The following TNFAIP8 variants were observed in gnomAD, a reference collection of about 807,000 sequenced individuals.
TNFAIP8 encodes the protein TNF alpha induced protein 8.
In TNFAIP8, 7 loss-of-function variants were observed where a neutral mutation model predicts 13.3. The observed-to-expected ratio is 0.52, with a 90% CI of 0.30 to 0.99. The LOEUF (loss-of-function observed/expected upper bound fraction) is 0.99, where lower values mean the gene tolerates loss of function less well. TNFAIP8 is among the 50% of genes least tolerant of loss of function. TNFAIP8 has a pLI of 0.07. For synonymous variants in TNFAIP8, 94 were observed against 87.6 expected (o/e 1.07, Z -0.41); for missense variants, 258 against 236.9 (o/e 1.09, Z -0.58).
intron 1 of TNFAIP8, among the ~76,000 whole-genome samples, chr5:119,318,155 C>T (rs749030427): frequency 2.6e-5 from 4 of 151,888 alleles, no homozygotes; most frequent in Non-Finnish European, 5.9e-5. Context: ...AGTCACAGCT[C>T]TTGAAATGCT....
intron 1 of TNFAIP8, among the ~76,000 whole-genome samples, chr5:119,356,550 G>T (rs1489326867): frequency 6.6e-6 from 1 of 152,070 alleles, no homozygotes; most frequent in Non-Finnish European, 1.5e-5. Flanking sequence ...ATATGTTTCC[G>T]GCTAAAAGGG....
intron 1 of TNFAIP8, among the ~76,000 whole-genome samples, chr5:119,296,526 G>C (rs571639513): frequency 8.9e-4 from 135 of 152,212 alleles, no homozygotes; most frequent in Admixed American, 1.5e-3. Context: ...GATTTGGTTT[G>C]CCAGTATTTT....
chr5:119,389,513 A>C (rs1362960334), intron 1 of TNFAIP8, among the ~76,000 whole-genome samples: 1 of 152,216 alleles, frequency 6.6e-6, no homozygotes, highest in Non-Finnish European at 1.5e-5. Context: ...CTGACAAATG[A>C]GCCTGCACAG....
At chr5:119,371,046 C>T (rs1205209672) in intron 1 of TNFAIP8, among the ~76,000 whole-genome samples, 1 of 152,192 alleles carries the variant, frequency 6.6e-6, no homozygotes, top group Non-Finnish European at 1.5e-5. Context: ...ATCCCCTTTT[C>T]ATGTTAGCTA....
chr5:119,352,270 C>T (rs975808015), upstream of TNFAIP8, among the ~76,000 whole-genome samples: 2 of 152,082 alleles, frequency 1.3e-5, no homozygotes, highest in Admixed American at 6.5e-5. Context: ...AGATCTCTCC[C>T]GCATATGGGG....
intron 1 of TNFAIP8, among the ~76,000 whole-genome samples, chr5:119,356,418 A>G (rs1170499552): frequency 1.3e-5 from 2 of 151,982 alleles, no homozygotes; most frequent in African/African-American, 2.4e-5. Flanking sequence ...TTGGACTCCA[A>G]GAATGCAAAA....
At chr5:119,328,673 G>C (rs1750292097) in intron 1 of TNFAIP8, among the ~76,000 whole-genome samples, 1 of 152,202 alleles carries the variant, frequency 6.6e-6, no homozygotes, top group Admixed American at 6.5e-5. Flanking sequence ...TAACAGGTTG[G>C]TGATGGAGGG....
Position 119,397,499 on chromosome 5 carries a change from C to A in TNFAIP8, c.*4118C>A, listed in dbSNP as rs1753102191. 3 of 152,154 alleles carry A rather than the reference C, an allele frequency of 2.0e-5. No homozygotes were observed. The highest frequency in any genetic ancestry group is 1.3e-4 in the Admixed American group (2 of 15,274). 9.4% of individuals were successfully genotyped at this position (152,154 alleles called of 1,614,324 possible). On this transcript the variant is annotated 3_prime_UTR_variant, in exon 2 of 2. Coordinates refer to ENST00000504771, the MANE Select transcript of TNFAIP8 (RefSeq NM_014350.4). Reference sequence around the variant, plus strand: ...ACTAGTTGAACTTTTCAGTGTTTTACTTGATATATTGCATTCTTGAGCATT... The same window carrying A: ...ACTAGTTGAACTTTTCAGTGTTTTAATTGATATATTGCATTCTTGAGCATT...
chr5:119,326,552 C>T (rs955467882), intron 1 of TNFAIP8, among the ~76,000 whole-genome samples: 6 of 152,124 alleles, frequency 3.9e-5, no homozygotes, highest in South Asian at 2.1e-4. Context: ...GGAAGCATTG[C>T]GTGCTCCTCA....
At chr5:119,329,580 C>T (rs1005503888) in intron 1 of TNFAIP8, among the ~76,000 whole-genome samples, 3 of 152,086 alleles carry the variant, frequency 2.0e-5, no homozygotes, top group Admixed American at 1.3e-4. Flanking sequence ...GATGCTTTTG[C>T]GATATGATAT....
chr5:119,349,798 C>T (rs540484201), intron 1 of TNFAIP8, among the ~76,000 whole-genome samples: 34 of 152,296 alleles, frequency 2.2e-4, no homozygotes, highest in Non-Finnish European at 3.7e-4. Context: ...AGAGATTTGA[C>T]GATGGTTCAA....
Position 119,393,239 on chromosome 5 carries a change from A to C in TNFAIP8, c.455A>C (p.His152Pro). ...IIQRHLTAKS[H>P]GRVNNVFDHF... ...CAGCGCCACCTCACTGCCAAGTCACATGGACGGGTTAATAATGTGTTTGAT... is the reference window on the plus strand; with the variant it reads ...CAGCGCCACCTCACTGCCAAGTCACCTGGACGGGTTAATAATGTGTTTGAT... Residue 152 changes from histidine (H) to proline (P), a missense_variant, in exon 2 of 2, where the codon CAT becomes CCT. His to Pro is a moderately conservative substitution (Grantham distance 77). Coordinates refer to ENST00000504771, the MANE Select transcript of TNFAIP8 (RefSeq NM_014350.4). 3 of 1,614,040 alleles carry C rather than the reference A, an allele frequency of 1.9e-6. No homozygotes were observed. Among genetic ancestry groups the C allele is most frequent in the Non-Finnish European group, 2.5e-6 (3 of 1,179,890 alleles).
At chr5:119,339,443 TCTC>T (rs961267274) in intron 1 of TNFAIP8, among the ~76,000 whole-genome samples, 1 of 149,940 alleles carries the variant, frequency 6.7e-6, no homozygotes, top group Non-Finnish European at 1.5e-5. Context: ...ACTACACAGG[TCTC>T]CTCTTGTGGT....
At chr5:119,340,620 G>A (rs1247586105) in intron 1 of TNFAIP8, among the ~76,000 whole-genome samples, 6 of 152,282 alleles carry the variant, frequency 3.9e-5, no homozygotes, top group Admixed American at 2.0e-4. Context: ...TTAGCTTTCC[G>A]ATTCTTGGGT....
intron 1 of TNFAIP8, among the ~76,000 whole-genome samples, chr5:119,295,174 GGT>G (rs1749129340): frequency 2.7e-5 from 1 of 36,844 alleles, no homozygotes; most frequent in African/African-American, 1.3e-4. Context: ...TATGGTTTTA[GGT>G]CTAACGTTTA....
In TNFAIP8 at chr5:119,308,087, T is replaced by C. The variant is rs370523383; in HGVS notation, c.1+39180T>C. Among the ~76,000 whole-genome samples, 159 of 152,284 alleles carry C rather than the reference T, an allele frequency of 1.0e-3. 1 individual carries two copies. The highest frequency in any genetic ancestry group is 3.6e-3 in the African/African-American group (149 of 41,548). On this transcript the variant is annotated intron_variant, in intron 1 of 1. Coordinates refer to the TNFAIP8 transcript ENST00000274456. ...CCTGTAATTTACAGATGAGCAAACT[T>C]CTTGTGGTGCAACATGTGGCATTTT...
At chr5:119,315,439 G>A (rs972528249) in intron 1 of TNFAIP8, among the ~76,000 whole-genome samples, 7 of 151,828 alleles carry the variant, frequency 4.6e-5, no homozygotes, top group Non-Finnish European at 8.8e-5. Context: ...TATTATGTGT[G>A]TATGCATGTG....
chr5:119,376,527 G>A (rs539386156), intron 1 of TNFAIP8, among the ~76,000 whole-genome samples: 4 of 151,892 alleles, frequency 2.6e-5, no homozygotes, highest in African/African-American at 7.2e-5. Flanking sequence ...TCTTATTTCG[G>A]TTGTTTTATA....
intron 1 of TNFAIP8, among the ~76,000 whole-genome samples, chr5:119,270,164 A>G (rs10900729): frequency 0.65 from 98,538 of 152,242 alleles, 34,909 homozygotes; most frequent in East Asian, 0.86. Flanking sequence ...GCCATTGTGC[A>G]TTGGCACATG....
Sources: allele counts gnomAD v4.1 joint callset (sites outside exome capture counted in the v4.1 genomes callset), GRCh38; gene constraint gnomAD v4.1.1; transcripts MANE v1.5; gene names NCBI Gene and HGNC (gene_info 2026-07-23, HGNC 2026-07-21).